The following BCAP29 variants were observed in gnomAD, a reference collection of about 807,000 sequenced individuals.
BCAP29 encodes the protein B-cell receptor-associated protein 29.
In BCAP29, 34 loss-of-function variants were observed where a neutral mutation model predicts 31.8. The observed-to-expected ratio is 1.07, with a 90% confidence interval of 0.81 to 1.42. The LOEUF (loss-of-function observed/expected upper bound fraction) is 1.42. Among genes scored for constraint, BCAP29 ranks in the 40% most tolerant of loss-of-function variants. BCAP29 has a pLI of 0.00. For missense variants in BCAP29, 314 were observed against 269.2 expected, an observed-to-expected ratio of 1.17 and a Z score of -1.16; for synonymous variants, 104 against 91.3, an observed-to-expected ratio of 1.14 and a Z score of -0.79.
chr7:107,616,431 A>G (rs571447815), intron 7 of BCAP29: 2 of 152,160 alleles, frequency 1.3e-5, no homozygotes, highest in African/African-American at 4.8e-5. Flanking sequence ...AATTTCCCAT[A>G]ATATCTCTGT....
At chr7:107,604,361 C>A (rs901096322) in intron 6 of BCAP29, among the ~76,000 whole-genome samples, 1 of 152,078 alleles carries the variant, frequency 6.6e-6, no homozygotes, top group Non-Finnish European at 1.5e-5. Context: ...GAGATCAAGA[C>A]AAGATAGAAA....
In BCAP29 at chr7:107,600,473, A is replaced by G. The variant is rs1272380158; in HGVS notation, c.557A>G (p.Lys186Arg). 1 of 1,606,736 alleles carries G rather than the reference A, an allele frequency of 6.2e-7. No individual in the cohort carries two copies. The highest frequency in any genetic ancestry group is 1.7e-5 in the Admixed American group (1 of 59,862). Residue 186 changes from lysine (K) to arginine (R), a missense_variant, in exon 6 of 8, where the codon AAA becomes AGA. Coordinates refer to ENST00000005259, the MANE Select transcript of BCAP29 (RefSeq NM_018844.4). ...AAAAAACTAGTAGAAGACCAGGAGA[A>G]ACTGAAAACTGAATTAAGGAAGACT... ...ENKKLVEDQE[K>R]LKTELRKTSD...
intron 5 of BCAP29, among the ~76,000 whole-genome samples, chr7:107,599,823 A>T (rs552107243): frequency 6.6e-6 from 1 of 152,290 alleles, no homozygotes; most frequent in South Asian, 2.1e-4. Flanking sequence ...TAAAGCCAGA[A>T]TCAATTTTAA....
intron 6 of BCAP29, among the ~76,000 whole-genome samples, chr7:107,601,541 T>A (rs954786212): frequency 1.3e-5 from 2 of 152,182 alleles, no homozygotes; most frequent in Non-Finnish European, 2.9e-5. Context: ...AAGTGGTATA[T>A]TATGTAGTTG....
intron 5 of BCAP29, among the ~76,000 whole-genome samples, chr7:107,597,229 T>G (rs1206859729): frequency 6.6e-6 from 1 of 152,118 alleles, no homozygotes; most frequent in African/African-American, 2.4e-5. Flanking sequence ...AACACCCCCT[T>G]TGTTTTGTCC....
intron 6 of BCAP29, 133 bp downstream of exon 6, chr7:107,600,638 T>C: frequency 3.7e-6 from 2 of 542,604 alleles, no homozygotes; most frequent in South Asian, 6.0e-5. Context: ...TATTTATAAA[T>C]TCTTGTTCAA....
rs1476466385 is a variant in BCAP29 at position 107,607,173 on chromosome 7, G to A, written c.590-6159G>A. On this transcript the variant is annotated intron_variant, in intron 6 of 7. Transcript: ENST00000005259. Reference sequence around the variant, plus strand: ...TCTACTAAAAATATAAAAATTAACCGGATGGTAGTGGCACGTGCCTGTAAT... The same window carrying A: ...TCTACTAAAAATATAAAAATTAACCAGATGGTAGTGGCACGTGCCTGTAAT... Among the ~76,000 whole-genome samples, 4 of 152,100 alleles carry A rather than the reference G, an allele frequency of 2.6e-5. No individual in the cohort carries two copies. The East Asian group carries it at 7.7e-4, about 29-fold the overall frequency.
Position 107,613,390 on chromosome 7 carries a change from G to A in BCAP29, c.648G>A (p.Ser216=), listed in dbSNP as rs772850807. 4.3e-6 allele frequency: 7 copies of A among 1,612,940 alleles called. No homozygotes were observed. Among genetic ancestry groups the A allele is most frequent in the South Asian group, 3.3e-5 (3 of 91,004 alleles). The change falls in exon 7 of 8, where the codon TCG becomes TCA. Residue 216 remains serine, a synonymous_variant. Coordinates refer to ENST00000005259, the MANE Select transcript of BCAP29 (RefSeq NM_018844.4). ...TGAAGATGCAGTCAGAGAGACTTTC[G>A]AAAGAATATGATCAACTCCTGAAAG... The part of the protein sequence containing the change: ...MEMKMQSERL[S]KEYDQLLKEH...
chr7:107,600,111 G>A lies in BCAP29; in HGVS notation c.481-286G>A, dbSNP rs1488354699. The A allele has an allele frequency of 2.2e-5, 8 of 356,990 alleles. 1 individual carries two copies. The highest frequency in any genetic ancestry group is 1.5e-4 in the Admixed American group (4 of 25,852). 22.1% of individuals were successfully genotyped at this position (356,990 alleles called of 1,614,324 possible). On this transcript the variant is annotated intron_variant, in intron 5 of 7. Coordinates refer to ENST00000005259, the MANE Select transcript of BCAP29 (RefSeq NM_018844.4). Reference sequence around the variant, plus strand: ...CATTAATTGAGGAAGAAAGACTGACGTTATTTACCTAAATACTTTTGAGAA... The same window carrying A: ...CATTAATTGAGGAAGAAAGACTGACATTATTTACCTAAATACTTTTGAGAA...
chr7:107,587,922 T>C (rs1438090765), intron 3 of BCAP29: 1 of 152,096 alleles, frequency 6.6e-6, no homozygotes, highest in African/African-American at 2.4e-5. Context: ...GAATTTAAAC[T>C]TCAAATTGTA....
chr7:107,621,923 T>G (rs1363728400), downstream of BCAP29: 1 of 534,102 alleles, frequency 1.9e-6, no homozygotes, highest in African/African-American at 1.9e-5. Flanking sequence ...TACAGGAGCA[T>G]GCAGGACAGA....
intron 2 of BCAP29, among the ~76,000 whole-genome samples, chr7:107,583,390 T>G (rs1288462842): frequency 2.6e-5 from 4 of 152,146 alleles, no homozygotes; most frequent in African/African-American, 9.7e-5. Context: ...TGGGTAGTTT[T>G]TATAATTCCC....
chr7:107,594,188 A>AT (rs879432395), intron 4 of BCAP29, 83 bp downstream of exon 4: 44,106 of 1,039,198 alleles, frequency 0.042, 189 homozygotes, highest in African/African-American at 0.1. Flanking sequence ...TTTACTGTAG[A>AT]TTTTTTTTTT....
chr7:107,591,556 G>T (rs1585081156), intron 3 of BCAP29, among the ~76,000 whole-genome samples: 1 of 146,938 alleles, frequency 6.8e-6, no homozygotes, highest in South Asian at 2.2e-4. Flanking sequence ...GAGCATATGA[G>T]CCAGTTCCTT....
Position 107,591,879 on chromosome 7 carries a change from A to C in BCAP29, c.194-2076A>C, listed in dbSNP as rs74628384. On this transcript the variant is annotated intron_variant, in intron 3 of 7. Coordinates refer to ENST00000005259, the MANE Select transcript of BCAP29 (RefSeq NM_018844.4). ...CTGACTTCTGGTTTTCTAAAAATAC[A>C]GGAGTTAGAGAAAGAAATTGGACTA... Among the ~76,000 whole-genome samples the C allele has an allele frequency of 1.3e-3, 199 of 152,274 alleles. 2 individuals are homozygous for C. In the East Asian group the frequency reaches 0.03, roughly 23 times the overall value.
At chr7:107,614,501 C>G (rs1585239683) in intron 7 of BCAP29, among the ~76,000 whole-genome samples, 1 of 152,222 alleles carries the variant, frequency 6.6e-6, no homozygotes, top group South Asian at 2.1e-4. Flanking sequence ...AGCACTATGC[C>G]TAGCTGACAG....
Position 107,615,225 on chromosome 7 carries a change from C to G in BCAP29, c.690+1793C>G, listed in dbSNP as rs115551022. ...AATATATATAACAGTGAGATTTCCT[C>G]AACCCATTTCCTCCCCACAGAAAAG... On this transcript the variant is annotated intron_variant, in intron 7 of 7. Coordinates refer to ENST00000005259, the MANE Select transcript of BCAP29 (RefSeq NM_018844.4). The G allele has an allele frequency of 9.7e-3, 4,426 of 456,688 alleles. 166 individuals carry two copies. Among genetic ancestry groups the G allele is most frequent in the African/African-American group, 0.08 (4,012 of 50,150 alleles). The allele number at this position is 456,688 out of a possible 1,614,324, so 28.3% of individuals were successfully genotyped here.
chr7:107,590,756 CT>C (rs1389796201), intron 3 of BCAP29, among the ~76,000 whole-genome samples: 1 of 150,408 alleles, frequency 6.6e-6, no homozygotes, highest in East Asian at 2.0e-4. Flanking sequence ...GAGGTCAAGG[CT>C]GCAGTGAGAC....
rs528087676 is a variant in BCAP29 at position 107,618,877 on chromosome 7, G to A, written c.*514G>A. The A allele has an allele frequency of 4.6e-6, 1 of 218,608 alleles. No homozygotes were observed. The highest frequency in any genetic ancestry group is 2.3e-5 in the African/African-American group (1 of 44,288). 13.5% of individuals were successfully genotyped at this position (218,608 alleles called of 1,614,324 possible). A position where few individuals can be genotyped will look rare whatever the true frequency, so the allele number is the denominator to read the frequency against. On this transcript the variant is annotated 3_prime_UTR_variant, in exon 8 of 8. Coordinates refer to ENST00000005259, the MANE Select transcript of BCAP29 (RefSeq NM_018844.4). Reference sequence around the variant, plus strand: ...ATAAGGAAGAGTCGGAAAAAACAATGACCTTAGTTTTTTTTAAGCCTGATG... The same window carrying A: ...ATAAGGAAGAGTCGGAAAAAACAATAACCTTAGTTTTTTTTAAGCCTGATG...
Sources: gnomAD v4.1 joint callset for allele counts (sites outside exome capture counted in the v4.1 genomes callset) on GRCh38, gnomAD v4.1.1 for gene constraint, MANE v1.5 for transcripts, NCBI Gene and HGNC (gene_info 2026-07-23, HGNC 2026-07-21) for gene names.